SYN3: variants seen among roughly 807,000 people sequenced by gnomAD.
SYN3 encodes synapsin III, also known as synapsin-3.
In SYN3, 35 loss-of-function variants were observed where a neutral mutation model predicts 65.8. That is an observed-to-expected ratio of 0.53 (90% confidence interval 0.41 to 0.70). SYN3 has a LOEUF of 0.70. Ranked by LOEUF, SYN3 falls within the 30% of genes least tolerant of loss-of-function variation. The probability of loss-of-function intolerance (pLI) is 0.00; values close to 1 mark genes in which losing one functional copy is unlikely to be tolerated. For synonymous variants in SYN3, 270 were observed against 292.9 expected (o/e 0.92, Z 0.80); for missense variants, 680 against 749.0 (o/e 0.91, Z 1.08).
At chr22:32,980,004 G>A (rs1392818028) in intron 3 of SYN3, among the ~76,000 whole-genome samples, 1 of 152,060 alleles carries the variant, frequency 6.6e-6, no homozygotes, top group Non-Finnish European at 1.5e-5. Context: ...GGAGCCAGGA[G>A]ACCACACCTT....
intron 7 of SYN3, among the ~76,000 whole-genome samples, chr22:32,554,744 C>T (rs567065336): frequency 4.3e-4 from 65 of 152,312 alleles, no homozygotes; most frequent in African/African-American, 1.4e-3. Context: ...CTCCCTTGTC[C>T]GGTGTGCTCT....
intron 6 of SYN3, among the ~76,000 whole-genome samples, chr22:32,851,434 G>A (rs777796711): frequency 1.9e-4 from 29 of 152,052 alleles, no homozygotes; most frequent in Non-Finnish European, 2.6e-4. Context: ...GCCACGGGTG[G>A]TTGTTTAGAG....
chr22:32,893,995 A>G (rs1164617398), intron 4 of SYN3, among the ~76,000 whole-genome samples: 1 of 152,270 alleles, frequency 6.6e-6, no homozygotes, highest in South Asian at 2.1e-4. Flanking sequence ...TACTATGACA[A>G]TCAGACAGTG....
chr22:32,542,198 G>A (rs1266180966), intron 7 of SYN3, among the ~76,000 whole-genome samples: 1 of 152,126 alleles, frequency 6.6e-6, no homozygotes, highest in Non-Finnish European at 1.5e-5. Context: ...ATAAGGAAAT[G>A]GTGTAGTTTG....
At chr22:32,889,107 T>C (rs540769050) in intron 4 of SYN3, among the ~76,000 whole-genome samples, 2 of 152,200 alleles carry the variant, frequency 1.3e-5, no homozygotes, top group Non-Finnish European at 2.9e-5. Context: ...TTTGTTACAA[T>C]CTGAAGTCTA....
At chr22:32,902,523 G>GT (rs1569314440) in intron 4 of SYN3, among the ~76,000 whole-genome samples, 1 of 152,176 alleles carries the variant, frequency 6.6e-6, no homozygotes, top group Non-Finnish European at 1.5e-5. Context: ...AAATTCATTG[G>GT]TTTTTTATTA....
chr22:32,682,498 C>G (rs1044070735), intron 6 of SYN3, among the ~76,000 whole-genome samples: 2 of 152,122 alleles, frequency 1.3e-5, no homozygotes, highest in Non-Finnish European at 2.9e-5. Flanking sequence ...TAGGACGACT[C>G]ATCCCCTTCT....
At chr22:32,877,144 C>T (rs1023807169) in intron 4 of SYN3, among the ~76,000 whole-genome samples, 2 of 152,210 alleles carry the variant, frequency 1.3e-5, no homozygotes, top group African/African-American at 4.8e-5. Flanking sequence ...TCCCTTTCCA[C>T]CCCAATACAA....
intron 6 of SYN3, among the ~76,000 whole-genome samples, chr22:32,817,615 A>G (rs1488498614): frequency 6.6e-6 from 1 of 152,206 alleles, no homozygotes; most frequent in Non-Finnish European, 1.5e-5. Flanking sequence ...GAGGAAGGGA[A>G]GGCTGACCTT....
chr22:32,881,815 G>A (rs2049145975), intron 4 of SYN3, among the ~76,000 whole-genome samples: 1 of 152,144 alleles, frequency 6.6e-6, no homozygotes, highest in Admixed American at 6.5e-5. Flanking sequence ...CAGCATTTTG[G>A]GAGGCCGAGT....
chr22:32,626,778 G>A (rs1329627051), intron 6 of SYN3, among the ~76,000 whole-genome samples: 1 of 152,124 alleles, frequency 6.6e-6, no homozygotes, highest in East Asian at 1.9e-4. Context: ...GTGGAGGTGC[G>A]GGCACCAATC....
Position 32,518,513 on chromosome 22 carries a change from G to C in SYN3, c.1319-179C>G, listed in dbSNP as rs756214964. ...TAATTAGGAACATTAAGATACATCT[G>C]TATAATGGAATATGCTGTGGTCATC... On this transcript the variant is annotated intron_variant, in intron 12 of 13. Transcript: ENST00000358763. 9.0e-5 allele frequency: 70 copies of C among 775,904 alleles called. No individual in the cohort carries two copies. The African/African-American group carries it at 9.5e-4, about 11-fold the overall frequency. 48.1% of individuals were successfully genotyped at this position (775,904 alleles called of 1,614,324 possible).
intron 1 of SYN3, among the ~76,000 whole-genome samples, chr22:33,022,211 T>G (rs2053572355): frequency 6.6e-6 from 1 of 152,212 alleles, no homozygotes; most frequent in African/African-American, 2.4e-5. Context: ...AGGTAATTAA[T>G]CCTGAAATGC....
chr22:32,702,115 G>C (rs574716226), intron 6 of SYN3, among the ~76,000 whole-genome samples: 1 of 152,170 alleles, frequency 6.6e-6, no homozygotes, highest in Admixed American at 6.5e-5. Context: ...CTTCTGAAGC[G>C]TAGAGACTTA....
chr22:32,715,672 C>T (rs555901654), intron 6 of SYN3, among the ~76,000 whole-genome samples: 9 of 147,400 alleles, frequency 6.1e-5, no homozygotes, highest in East Asian at 2.1e-4. Context: ...CCCAGTTACT[C>T]GGGAGGCTGA....
chr22:32,861,111 A>G (rs1317729872), intron 6 of SYN3: 1 of 151,190 alleles, frequency 6.6e-6, no homozygotes, highest in Non-Finnish European at 1.5e-5. Context: ...TTTATCTTCT[A>G]TTAGTATTTG....
intron 6 of SYN3, among the ~76,000 whole-genome samples, chr22:32,795,424 G>T (rs1329170467): frequency 6.6e-6 from 1 of 152,194 alleles, no homozygotes; most frequent in South Asian, 2.1e-4. Context: ...TCATCCTTCG[G>T]AATGGGTAAC....
At chr22:32,769,986 A>C (rs1253582860) in intron 6 of SYN3, among the ~76,000 whole-genome samples, 2 of 152,158 alleles carry the variant, frequency 1.3e-5, no homozygotes, top group Non-Finnish European at 2.9e-5. Context: ...TGGAGGCCTA[A>C]TAGGCATTTC....
chr22:32,710,486 A>G (rs766834503), intron 6 of SYN3, among the ~76,000 whole-genome samples: 1 of 151,856 alleles, frequency 6.6e-6, no homozygotes, highest in Non-Finnish European at 1.5e-5. Context: ...CAAAAAAAGT[A>G]GCCAGGCGTG....
Sources: gnomAD v4.1 joint callset for allele counts (sites outside exome capture counted in the v4.1 genomes callset) on GRCh38, gnomAD v4.1.1 for gene constraint, MANE v1.5 for transcripts, NCBI Gene and HGNC (gene_info 2026-07-23, HGNC 2026-07-21) for gene names.